RAB35: variants seen among roughly 807,000 people sequenced by gnomAD.
RAB35 encodes RAB35, member RAS oncogene family.
Under a neutral mutation model 28.9 loss-of-function variants are expected in RAB35, and 4 were observed. That is an observed-to-expected ratio of 0.14 (90% CI 0.07 to 0.32). The LOEUF is 0.32. RAB35 is among the 10% of genes least tolerant of loss of function. The pLI, the probability that RAB35 is intolerant of heterozygous loss-of-function variation, is 1.00. For missense variants in RAB35, 128 were observed against 274.0 expected, an observed-to-expected ratio of 0.47 and a Z score of 3.76; for synonymous variants, 99 against 105.1, an observed-to-expected ratio of 0.94 and a Z score of 0.35.
chr12:120,114,563 T>C lies in RAB35; in HGVS notation c.52+2036A>G, dbSNP rs1594248343. Among the ~76,000 whole-genome samples the C allele has an allele frequency of 2.6e-5, 4 of 152,234 alleles. No homozygotes were observed. In the South Asian group the frequency reaches 6.2e-4, roughly 24 times the overall value. ...TGCCAAAGCTTAGTCTGGACTTCCA[T>C]GGCTACCATCTCCCAGCTTTGAGGA... On this transcript the variant is annotated intron_variant, in intron 1 of 5. Transcript: ENST00000229340.
Position 120,096,521 on chromosome 12 carries a change from C to T in RAB35, c.*724G>A. 7.8e-7 allele frequency: 1 copy of T among 1,289,816 alleles called. No individual in the cohort carries two copies. Among genetic ancestry groups the T allele is most frequent in the Non-Finnish European group, 1.0e-6 (1 of 988,888 alleles). The allele number at this position is 1,289,816 out of a possible 1,614,324, so 79.9% of individuals were successfully genotyped here. Reference sequence around the variant, plus strand: ...TGTTGGTGTAAATGAGAAGCCATGGCTGCCCTGGGTTTGGAGCTCAGAGGC... The same window carrying T: ...TGTTGGTGTAAATGAGAAGCCATGGTTGCCCTGGGTTTGGAGCTCAGAGGC... On this transcript the variant is annotated 3_prime_UTR_variant, in exon 6 of 6. Coordinates refer to ENST00000229340, the MANE Select transcript of RAB35 (RefSeq NM_006861.7).
rs1161634088 is a variant in RAB35, at chr12:120,111,983, C to CT, written c.53-3517dup. Among the ~76,000 whole-genome samples the CT allele has an allele frequency of 3.9e-3, 557 of 141,060 alleles. 2 individuals are homozygous for CT. Among genetic ancestry groups the CT allele is most frequent in the African/African-American group, 0.011 (417 of 38,792 alleles). The allele number at this position is 141,060 out of a possible 152,430, so 92.5% of individuals were successfully genotyped here. A position where few individuals can be genotyped will look rare whatever the true frequency, so the allele number is the denominator to read the frequency against. On this transcript the variant is annotated intron_variant, in intron 1 of 5. Transcript: ENST00000229340. ...ACCCCAACCAGTCCAGCCTGTCATTCTTTTTTTTTTTTTTTTAAATGGAGT... is the reference window on the plus strand; with the variant it reads ...ACCCCAACCAGTCCAGCCTGTCATTCTTTTTTTTTTTTTTTTTAAATGGAGT...
rs11065019 is a variant in RAB35 at position 120,103,749 on chromosome 12, A to G, written c.227+77T>C. On this transcript the variant is annotated intron_variant, in intron 3 of 5. Transcript: ENST00000229340. This position sits in a 1 kb window ranked among gnomAD's most constrained non-coding sequence, Gnocchi z 6.1. Reference sequence around the variant, plus strand: ...GGGACCCACCAGTGACATTTCCACCATGACCAGGCACCGGTCGCTCAACTG... The same window carrying G: ...GGGACCCACCAGTGACATTTCCACCGTGACCAGGCACCGGTCGCTCAACTG... 110,188 of 1,568,766 alleles carry G rather than the reference A, an allele frequency of 0.07. 4,658 individuals carry two copies. Among genetic ancestry groups the G allele is most frequent in the African/African-American group, 0.18 (13,570 of 73,998 alleles).
rs947318733 is a variant in RAB35, at chr12:120,096,932, C to A, written c.*313G>T. 7.4e-7 allele frequency: 1 copy of A among 1,356,310 alleles called. No homozygotes were observed. Among genetic ancestry groups the A allele is most frequent in the African/African-American group, 1.5e-5 (1 of 68,456 alleles). 84.0% of individuals were successfully genotyped at this position (1,356,310 alleles called of 1,614,324 possible). ...AAAAGCCAGAGCAGGACGTGGTGTG[C>A]GGCCGGGTAGAGCAATATACACTAT... is the stretch of plus-strand genomic sequence containing the variant. On this transcript the variant is annotated 3_prime_UTR_variant, in exon 6 of 6. Transcript: ENST00000229340.
chr12:120,095,704 T>C lies in RAB35; in HGVS notation c.*1541A>G, dbSNP rs931296999. 1 of 151,890 alleles carries C rather than the reference T, an allele frequency of 6.6e-6. No individual in the cohort carries two copies. The highest frequency in any genetic ancestry group is 2.4e-5 in the African/African-American group (1 of 41,322). The allele number at this position is 151,890 out of a possible 1,614,324, so 9.4% of individuals were successfully genotyped here. A position where few individuals can be genotyped will look rare whatever the true frequency, so the allele number is the denominator to read the frequency against. ...TCCAAAGTGAAGGCCTGTCCCAGAA[T>C]CACCAGCTTTTGGCAGTTTGGGCAA... On this transcript the variant is annotated 3_prime_UTR_variant, in exon 6 of 6. Coordinates refer to ENST00000229340, the MANE Select transcript of RAB35 (RefSeq NM_006861.7).
In RAB35 at chr12:120,098,825, C is replaced by T. The variant is rs77534891; in HGVS notation, c.463G>A (p.Val155Ile). The stretch of plus-strand genomic sequence containing the variant: ...CAGGGCCTCACCTCTTCCACGTTGA[C>T]ATTCTCCTTGGCGCTGGTCTCGAAC... ...QLFETSAKEN[V>I]NVEEMFNCIT... Residue 155 changes from valine to isoleucine, a missense_variant, in exon 5 of 6, where the codon GTC (valine) becomes ATC (isoleucine). By Grantham distance (29) the Val-to-Ile change is conservative. Transcript: ENST00000229340. 2.1e-3 allele frequency: 3,313 copies of T among 1,614,216 alleles called. 108 individuals carry two copies. In the East Asian group the frequency reaches 0.069, roughly 34 times the overall value.
intron 1 of RAB35, among the ~76,000 whole-genome samples, chr12:120,112,135 C>T (rs1876144014): frequency 6.6e-6 from 1 of 152,160 alleles, no homozygotes; most frequent in African/African-American, 2.4e-5. Context: ...CGCCATCACG[C>T]CCAGCTAATT....
chr12:120,106,112 A>G (rs1875861845), intron 2 of RAB35, among the ~76,000 whole-genome samples: 1 of 152,130 alleles, frequency 6.6e-6, no homozygotes, highest in Non-Finnish European at 1.5e-5. Context: ...TAGAACCAAC[A>G]GTAAACTGAG....
At position 120,097,180 on chromosome 12, in the gene RAB35, A is replaced by C; in HGVS notation, c.*65T>G. 1.2e-6 allele frequency: 2 copies of C among 1,613,364 alleles called. No individual in the cohort carries two copies. Among genetic ancestry groups the C allele is most frequent in the Non-Finnish European group, 1.7e-6 (2 of 1,179,682 alleles). ...ACGAAACTGAGACTGTCCCCCGAGG[A>C]ACCTCCGTGGGCCTCGGGCTGGGGG... is the stretch of plus-strand genomic sequence containing the variant. On this transcript the variant is annotated 3_prime_UTR_variant, in exon 6 of 6. Transcript: ENST00000229340.
chr12:120,097,165 G>GGC lies in RAB35; in HGVS notation c.*79_*80insGC, dbSNP rs772648057. On this transcript the variant is annotated 3_prime_UTR_variant, in exon 6 of 6. Transcript: ENST00000229340. Reference sequence around the variant, plus strand: ...TCTTTAAATAACGGCACGAAACTGAGACTGTCCCCCGAGGAACCTCCGTGG... The same window carrying GGC: ...TCTTTAAATAACGGCACGAAACTGAGGCACTGTCCCCCGAGGAACCTCCGTGG... 1.3e-5 allele frequency: 21 copies of GGC among 1,613,008 alleles called. No homozygotes were observed. The Admixed American group carries it at 3.5e-4, about 27-fold the overall frequency.
At chr12:120,108,701 C>G (rs1259610250) in intron 1 of RAB35, 2 of 659,072 alleles carry the variant, frequency 3.0e-6, no homozygotes, top group Admixed American at 2.1e-5. Context: ...GCTCCCAAAT[C>G]CCCTGGGGGA....
intron 1 of RAB35, among the ~76,000 whole-genome samples, chr12:120,110,030 G>A (rs371997019): frequency 6.6e-5 from 10 of 152,118 alleles, no homozygotes; most frequent in African/African-American, 1.4e-4. Context: ...CAGAGTGGCC[G>A]GCCTAAGTGC....
intron 3 of RAB35, among the ~76,000 whole-genome samples, chr12:120,102,715 G>C (rs1313363112): frequency 6.6e-6 from 1 of 152,208 alleles, no homozygotes; most frequent in Non-Finnish European, 1.5e-5. Context: ...GAGATGCCGA[G>C]GGGCCCGGGG....
At chr12:120,105,032 G>A (rs1875814390) in intron 2 of RAB35, among the ~76,000 whole-genome samples, 1 of 152,146 alleles carries the variant, frequency 6.6e-6, no homozygotes, top group African/African-American at 2.4e-5. Context: ...CACTCCATTT[G>A]GGGCTTATGC....
intron 1 of RAB35, among the ~76,000 whole-genome samples, chr12:120,109,444 A>T (rs189774536): frequency 5.2e-4 from 79 of 151,170 alleles, no homozygotes; most frequent in Admixed American, 1.1e-3. Context: ...CAAGAGCGAA[A>T]CTCTGTCTCA....
At chr12:120,110,367 C>G (rs1876069433) in intron 1 of RAB35, among the ~76,000 whole-genome samples, 1 of 141,960 alleles carries the variant, frequency 7.0e-6, no homozygotes, top group African/African-American at 2.7e-5. Context: ...ATAACTCACT[C>G]TAACCTTGAA....
chr12:120,110,915 C>A (rs1322794968), intron 1 of RAB35, among the ~76,000 whole-genome samples: 1 of 152,246 alleles, frequency 6.6e-6, no homozygotes, highest in Non-Finnish European at 1.5e-5. Flanking sequence ...GAGCCCGAGT[C>A]CCGGGTTGGG....
intron 2 of RAB35, among the ~76,000 whole-genome samples, chr12:120,104,814 AG>A (rs1427571790): frequency 2.6e-5 from 4 of 152,048 alleles, no homozygotes; most frequent in Non-Finnish European, 5.9e-5. Flanking sequence ...TTGTGTTTTT[AG>A]TACAGACGGG....
chr12:120,112,201 C>T (rs1876147143), intron 1 of RAB35, among the ~76,000 whole-genome samples: 1 of 152,114 alleles, frequency 6.6e-6, no homozygotes, highest in Non-Finnish European at 1.5e-5. Flanking sequence ...TGGTCTCGAG[C>T]TCCTGACCTC....
Sources: allele counts gnomAD v4.1 joint callset (sites outside exome capture counted in the v4.1 genomes callset), GRCh38; gene constraint gnomAD v4.1.1; non-coding constraint Gnocchi (gnomAD v3.1); transcripts MANE v1.5; gene names NCBI Gene and HGNC (gene_info 2026-07-23, HGNC 2026-07-21).